The following DENND4B variants were observed in gnomAD, a reference collection of about 807,000 sequenced individuals.
DENND4B encodes DENN domain-containing protein 4B.
A neutral mutation model predicts 161.0 loss-of-function variants in DENND4B; 67 were observed. That is an observed-to-expected ratio of 0.42 (90% CI 0.34 to 0.51). The LOEUF (loss-of-function observed/expected upper bound fraction) is 0.51. Among genes scored for constraint, DENND4B ranks in the 20% least tolerant of loss-of-function variants. DENND4B has a pLI of 0.08. For synonymous variants in DENND4B, 753 were observed against 813.8 expected (o/e 0.93, Z 1.27); for missense variants, 1,481 against 1,968.0 (o/e 0.75, Z 4.68).
chr1:153,931,073 G>A lies in DENND4B; in HGVS notation c.3997-9C>T, dbSNP rs1678891226. The A allele has an allele frequency of 1.9e-6, 3 of 1,602,408 alleles. No homozygotes were observed. Among genetic ancestry groups the A allele is most frequent in the Non-Finnish European group, 1.7e-6 (2 of 1,174,112 alleles). ...AGCCAAGGAGATGGGGCCTGGGGGA[G>A]CCAAGATAGTGGAGACAGTTAGGCT... On this transcript the variant is annotated splice_polypyrimidine_tract_variant and intron_variant, in intron 24 of 27. Coordinates refer to ENST00000361217, the MANE Select transcript of DENND4B (RefSeq NM_014856.3).
rs1488095903 is a variant in DENND4B at position 153,942,159 on chromosome 1, G to A, written c.810+28C>T. The stretch of plus-strand genomic sequence containing the variant: ...AGTCAGGCAGGCCCTGCATAGCCTG[G>A]ACCCCTTGCCACACTCCACACACCC... On this transcript the variant is annotated intron_variant, in intron 5 of 27. Coordinates refer to ENST00000361217, the MANE Select transcript of DENND4B (RefSeq NM_014856.3). The surrounding 1 kb of genome is among the most constrained non-coding windows in gnomAD (Gnocchi z 6.9). 2 of 1,613,846 alleles carry A rather than the reference G, an allele frequency of 1.2e-6. No individual in the cohort carries two copies. Among genetic ancestry groups the A allele is most frequent in the Non-Finnish European group, 1.7e-6 (2 of 1,179,880 alleles).
Position 153,936,782 on chromosome 1 carries a change from C to A in DENND4B, c.2233-34G>T. On this transcript the variant is annotated intron_variant, in intron 15 of 27. Coordinates refer to ENST00000361217, the MANE Select transcript of DENND4B (RefSeq NM_014856.3). The surrounding 1 kb of genome is among the most constrained non-coding windows in gnomAD (Gnocchi z 4.1). ...GACAGGGGACACATCAGGGTGAGTA[C>A]AATGCCAGGTCTTTCTTACTTATCT... 1 of 1,484,068 alleles carries A rather than the reference C, an allele frequency of 6.7e-7. No individual in the cohort carries two copies. The highest frequency in any genetic ancestry group is 9.0e-7 in the Non-Finnish European group (1 of 1,111,338). The allele number at this position is 1,484,068 out of a possible 1,614,324, so 91.9% of individuals were successfully genotyped here.
intron 24 of DENND4B, 103 bp from the exon 25 acceptor site, chr1:153,931,167 CACAGCCA>C: frequency 1.1e-6 from 1 of 881,866 alleles, no homozygotes; most frequent in Non-Finnish European, 1.8e-6. Context: ...CATTACAGGA[CACAGCCA>C]AAGAGAAGTG....
rs754043624 is a variant in DENND4B, at chr1:153,933,695, C to T, written c.3118G>A (p.Gly1040Arg). ...TCCTGTCGCCCACCAGCCTTGGGTC[C>T]CCGCCCACTTAGCCCTTCCAGGGCC... ...TEALEGLSGRGPKAGGRQDEA... is the reference protein window; with the variant it reads ...TEALEGLSGRRPKAGGRQDEA... Residue 1040 changes from glycine (G) to arginine (R), a missense_variant, in exon 20 of 28, where the codon GGA becomes AGA. By Grantham distance (125) the Gly-to-Arg change is moderately radical. Transcript: ENST00000361217. The surrounding 1 kb of genome is among the most constrained non-coding windows in gnomAD (Gnocchi z 5.7). 2.5e-6 allele frequency: 4 copies of T among 1,577,250 alleles called. No individual in the cohort carries two copies. The highest frequency in any genetic ancestry group is 3.4e-6 in the Non-Finnish European group (4 of 1,162,440).
Position 153,942,094 on chromosome 1 carries a change from T to A in DENND4B, c.830A>T (p.Gln277Leu). 6.2e-7 allele frequency: 1 copy of A among 1,613,458 alleles called. No homozygotes were observed. Among genetic ancestry groups the A allele is most frequent in the Non-Finnish European group, 8.5e-7 (1 of 1,179,702 alleles). ...AGDKVYGAAL[Q>L]FYEAFPRARL... ...GGCCCTTGGGAACGCCTCGTAGAAC[T>A]GCAGGGCGGCACCATACACCTGGCA... The change falls in exon 6 of 28, where the codon CAG (glutamine) becomes CTG (leucine). Residue 277 changes from glutamine (Q) to leucine (L), a missense_variant. Gln to Leu is a moderately radical substitution (Grantham distance 113, BLOSUM62 -2). Coordinates refer to ENST00000361217, the MANE Select transcript of DENND4B (RefSeq NM_014856.3). The surrounding 1 kb of genome is among the most constrained non-coding windows in gnomAD (Gnocchi z 6.9).
chr1:153,945,564 ACACACACACACG>A (rs747711752), intron 1 of DENND4B, among the ~76,000 whole-genome samples: 8 of 151,714 alleles, frequency 5.3e-5, no homozygotes, highest in Non-Finnish European at 1.2e-4. Context: ...ACACACACAC[ACACACACACACG>A]CACACACACA....
In DENND4B at chr1:153,930,349, G is replaced by A; in HGVS notation, c.4439C>T (p.Thr1480Ile). 6.2e-7 allele frequency: 1 copy of A among 1,614,028 alleles called. No individual in the cohort carries two copies. Among genetic ancestry groups the A allele is most frequent in the Non-Finnish European group, 8.5e-7 (1 of 1,179,892 alleles). The change falls in exon 28 of 28, where the codon ACT (threonine) becomes ATT (isoleucine). Residue 1480 changes from threonine (T) to isoleucine (I), a missense_variant. Physicochemically the swap from Thr to Ile is moderately conservative, Grantham distance 89. Coordinates refer to ENST00000361217, the MANE Select transcript of DENND4B (RefSeq NM_014856.3). This position sits in a 1 kb window ranked among gnomAD's most constrained non-coding sequence, Gnocchi z 4.7. ...ELRHRRAQMP[T>I]PKAIDCRKCF... ...TTTTCGGCAGTCAATGGCCTTGGGA[G>A]TGGGCATCTGCGCCCGCCGGTGCCT...
At chr1:153,943,527 A>T (rs2102070738) in intron 2 of DENND4B, among the ~76,000 whole-genome samples, 1 of 152,114 alleles carries the variant, frequency 6.6e-6, no homozygotes, top group Admixed American at 6.5e-5. Context: ...AAAATTCAAA[A>T]ATTAGCTGGA....
In DENND4B at chr1:153,944,273, G is replaced by A. The variant is rs1251416955; in HGVS notation, c.102C>T (p.Pro34=). 1.2e-6 allele frequency: 2 copies of A among 1,602,520 alleles called. No individual in the cohort carries two copies. The highest frequency in any genetic ancestry group is 2.2e-5 in the South Asian group (2 of 89,926). The change falls in exon 2 of 28, where the codon CCC becomes CCT. Residue 34 remains proline, a synonymous_variant. Transcript: ENST00000361217. The surrounding 1 kb of genome is among the most constrained non-coding windows in gnomAD (Gnocchi z 4.8). The part of the protein sequence containing the change: ...PIPEETWVPE[P]SGPLRPPRPA... ...GCCGGGGAGGGCGCAGGGGCCCACT[G>A]GGTTCAGGAACCCACGTTTCCTCAG...
chr1:153,942,205 C>T lies in DENND4B; in HGVS notation c.792G>A (p.Thr264=), dbSNP rs775595237. 6.2e-7 allele frequency: 1 copy of T among 1,613,966 alleles called. No homozygotes were observed. The highest frequency in any genetic ancestry group is 8.5e-7 in the Non-Finnish European group (1 of 1,179,872). Residue 264 remains threonine, a synonymous_variant, in exon 5 of 28, where the codon ACG becomes ACA. Transcript: ENST00000361217. This position sits in a 1 kb window ranked among gnomAD's most constrained non-coding sequence, Gnocchi z 6.9. ...CACCCACCTTATCACCAGCTGCACC[C>T]GTGAGCACAAAGGTGGAGAAGACGG... ...PVPVFSTFVL[T]GAAGDKVYGA...
In DENND4B at chr1:153,937,688, G is replaced by A; in HGVS notation, c.2105+36C>T. 1 of 1,613,922 alleles carries A rather than the reference G, an allele frequency of 6.2e-7. No homozygotes were observed. The highest frequency in any genetic ancestry group is 8.5e-7 in the Non-Finnish European group (1 of 1,179,826). On this transcript the variant is annotated intron_variant, in intron 14 of 27. Coordinates refer to ENST00000361217, the MANE Select transcript of DENND4B (RefSeq NM_014856.3). The surrounding 1 kb of genome is among the most constrained non-coding windows in gnomAD (Gnocchi z 4.7). ...GCGAGTTGGACTGGACCAGTCTATGGGACCCTGGAACATGTGAAGGCTAAG... is the reference window on the plus strand; with the variant it reads ...GCGAGTTGGACTGGACCAGTCTATGAGACCCTGGAACATGTGAAGGCTAAG...
At position 153,933,408 on chromosome 1, in the gene DENND4B, T is replaced by G; in HGVS notation, c.3330+75A>C. ...CAAGCACCCCTCAGAGCCCCCTTTTTGAGCATTCTTCCAGTCGTAGCCCCT... is the reference window on the plus strand; with the variant it reads ...CAAGCACCCCTCAGAGCCCCCTTTTGGAGCATTCTTCCAGTCGTAGCCCCT... On this transcript the variant is annotated intron_variant, in intron 20 of 27. Transcript: ENST00000361217. The surrounding 1 kb of genome is among the most constrained non-coding windows in gnomAD (Gnocchi z 5.7). 1 of 1,606,384 alleles carries G rather than the reference T, an allele frequency of 6.2e-7. No homozygotes were observed. Among genetic ancestry groups the G allele is most frequent in the Non-Finnish European group, 8.5e-7 (1 of 1,176,370 alleles).
Position 153,939,570 on chromosome 1 carries a change from A to G in DENND4B, c.1819+19T>C, listed in dbSNP as rs376703925. On this transcript the variant is annotated intron_variant, in intron 12 of 27. Coordinates refer to ENST00000361217, the MANE Select transcript of DENND4B (RefSeq NM_014856.3). ...CTCCTCCCATGATACATCTCCAAGC[A>G]GAGACAGGCCCTCTATACCCTGCAG... 22 of 1,585,094 alleles carry G rather than the reference A, an allele frequency of 1.4e-5. 1 individual carries two copies. In the South Asian group the frequency reaches 1.7e-4, roughly 12 times the overall value.
intron 17 of DENND4B, 197 bp downstream of exon 17, chr1:153,935,863 G>A (rs1220157622): frequency 6.6e-6 from 4 of 608,758 alleles, no homozygotes; most frequent in Non-Finnish European, 1.1e-5. Context: ...GGGCTGTCAT[G>A]AGTGGGAATC....
intron 11 of DENND4B, 172 bp downstream of exon 11, chr1:153,939,984 C>T: frequency 1.2e-6 from 1 of 810,680 alleles, no homozygotes; most frequent in South Asian, 1.8e-5. Flanking sequence ...GGAATACTGT[C>T]TGCCCTTCCT....
At position 153,941,395 on chromosome 1, in the gene DENND4B, C is replaced by G. The variant is rs1469072865; in HGVS notation, c.1101G>C (p.Gln367His). Residue 367 changes from glutamine to histidine, a missense_variant, in exon 7 of 28, where the codon CAG becomes CAC. Coordinates refer to ENST00000361217, the MANE Select transcript of DENND4B (RefSeq NM_014856.3). The stretch of plus-strand genomic sequence containing the variant: ...TCACCTGCACTAGGATGCGGGGTCT[C>G]TGTGGGGAAGGGAAGGGAACGTTGT... ...FIHNVPFPSPQRPRILVQMSP... is the reference protein window; with the variant it reads ...FIHNVPFPSPHRPRILVQMSP... The G allele has an allele frequency of 1.2e-6, 2 of 1,613,448 alleles. No homozygotes were observed. The highest frequency in any genetic ancestry group is 1.7e-5 in the Admixed American group (1 of 59,942).
chr1:153,938,201 G>A (rs1316411042), intron 13 of DENND4B, among the ~76,000 whole-genome samples: 2 of 152,110 alleles, frequency 1.3e-5, no homozygotes, highest in East Asian at 3.9e-4. Flanking sequence ...TTGAGGCCAG[G>A]AGTTCGAGAC....
Position 153,934,916 on chromosome 1 carries a change from G to A in DENND4B, c.2617C>T (p.Arg873Cys), listed in dbSNP as rs776887186. 45 of 1,613,200 alleles carry A rather than the reference G, an allele frequency of 2.8e-5. No individual in the cohort carries two copies. Among genetic ancestry groups the A allele is most frequent in the Non-Finnish European group, 3.6e-5 (42 of 1,179,900 alleles). ...ACAACATTCCGGAGCTTGGCCCAGC[G>A]CAGACGCCCACCTGGTGTGCCAGAC... ...WPSGTPGGRLRWAKLRNVVLG... is the reference protein window; with the variant it reads ...WPSGTPGGRLCWAKLRNVVLG... Residue 873 changes from arginine to cysteine, a missense_variant, in exon 18 of 28, where the codon CGC (arginine) becomes TGC (cysteine). By Grantham distance (180) the Arg-to-Cys change is radical. Coordinates refer to ENST00000361217, the MANE Select transcript of DENND4B (RefSeq NM_014856.3). This position sits in a 1 kb window ranked among gnomAD's most constrained non-coding sequence, Gnocchi z 5.3.
Position 153,944,379 on chromosome 1 carries a change from C to G in DENND4B, c.-5G>C. ...GGGGGGCCGCTCCTCCGCCATGGCC[C>G]CCCCCTCACTCACTGCATCTGGAAT... On this transcript the variant is annotated 5_prime_UTR_variant, in exon 2 of 28. Coordinates refer to ENST00000361217, the MANE Select transcript of DENND4B (RefSeq NM_014856.3). This position sits in a 1 kb window ranked among gnomAD's most constrained non-coding sequence, Gnocchi z 4.8. 1 of 1,601,382 alleles carries G rather than the reference C, an allele frequency of 6.2e-7. No individual in the cohort carries two copies. The highest frequency in any genetic ancestry group is 8.5e-7 in the Non-Finnish European group (1 of 1,174,470).
Sources: gnomAD v4.1 joint callset for allele counts (sites outside exome capture counted in the v4.1 genomes callset) on GRCh38, gnomAD v4.1.1 for gene constraint, Gnocchi (gnomAD v3.1) non-coding constraint, MANE v1.5 for transcripts, NCBI Gene and HGNC (gene_info 2026-07-23, HGNC 2026-07-21) for gene names.